NOS3: variants seen among roughly 807,000 people sequenced by gnomAD.
The protein encoded by NOS3 is nitric oxide synthase 3, also known as NOS type III.
Under a neutral mutation model 144.9 loss-of-function variants are expected in NOS3, and 98 were observed. The ratio of observed to expected loss-of-function variants is 0.68; its 90% CI spans 0.57 to 0.80. The LOEUF (loss-of-function observed/expected upper bound fraction) is 0.80, where lower values mean the gene tolerates loss of function less well. NOS3 is among the 30% of genes least tolerant of loss of function. The pLI, the probability that NOS3 is intolerant of heterozygous loss-of-function variation, is 0.00. For missense variants in NOS3, 1,465 were observed against 1,656.4 expected, an observed-to-expected ratio of 0.88 and a Z score of 2.01; for synonymous variants, 714 against 702.4, an observed-to-expected ratio of 1.02 and a Z score of -0.26.
intron 24 of NOS3, 30 bp from the exon 25 acceptor site, chr7:151,013,201 G>A: frequency 3.1e-6 from 5 of 1,599,902 alleles, no homozygotes; most frequent in Non-Finnish European, 4.3e-6. Flanking sequence ...CCCCGGAGAA[G>A]AGCCTTCCCA....
rs1205198892 is a variant in NOS3, at chr7:151,010,661, A to G, written c.2750A>G (p.Gln917Arg). Residue 917 changes from glutamine (Q) to arginine (R), a missense_variant, in exon 22 of 27, where the codon CAG becomes CGG. This residue lies in a region of NOS3 where 745 missense variants were observed against 853.9 expected (regional missense o/e 0.87). Coordinates refer to ENST00000297494, the MANE Select transcript of NOS3 (RefSeq NM_000603.5). The part of the protein sequence containing the change: ...RCPTLLEVLE[Q>R]FPSVALPAPL... The stretch of plus-strand genomic sequence containing the variant: ...CCCACGCTGCTGGAGGTGCTGGAGC[A>G]GTTCCCGTCGGTGGCGCTGCCTGCC... 1 of 1,608,168 alleles carries G rather than the reference A, an allele frequency of 6.2e-7. No homozygotes were observed. Among genetic ancestry groups the G allele is most frequent in the Non-Finnish European group, 8.5e-7 (1 of 1,177,650 alleles).
intron 23 of NOS3, 43 bp downstream of exon 23, chr7:151,011,029 G>A: frequency 6.9e-7 from 1 of 1,441,800 alleles, no homozygotes; most frequent in Non-Finnish European, 9.7e-7. Flanking sequence ...CCCAGGGTCA[G>A]GGTGGCAGCT....
chr7:151,010,959 G>A lies in NOS3; in HGVS notation c.2957G>A (p.Gly986Glu). 1 of 1,613,860 alleles carries A rather than the reference G, an allele frequency of 6.2e-7. No homozygotes were observed. The highest frequency in any genetic ancestry group is 1.3e-5 in the African/African-American group (1 of 75,058). ...ACGTGGCTAAGCCAGCTCAAGCCCG[G>A]AGACCCTGTGCCCTGCTTCATCCGG... ...CSTWLSQLKP[G>E]DPVPCFIRGA... The change falls in exon 23 of 27, where the codon GGA becomes GAA. Residue 986 changes from glycine (G) to glutamate (E), a missense_variant. Coordinates refer to ENST00000297494, the MANE Select transcript of NOS3 (RefSeq NM_000603.5).
chr7:150,998,967 A>G lies in NOS3; in HGVS notation c.838A>G (p.Thr280Ala), dbSNP rs562526133. The change falls in exon 8 of 27, where the codon ACC (threonine) becomes GCC (alanine). Residue 280 changes from threonine to alanine, a missense_variant. This residue lies in a region of NOS3 where 12 missense variants were observed against 30.1 expected (regional missense o/e 0.40). Transcript: ENST00000297494. This position sits in a 1 kb window ranked among gnomAD's most constrained non-coding sequence, Gnocchi z 5.0. Reference sequence around the variant, plus strand: ...ACAGCTCTGCATTCAGCACGGCTGGACCCCAGGAAACGGTCGCTTCGACGT... The same window carrying G: ...ACAGCTCTGCATTCAGCACGGCTGGGCCCCAGGAAACGGTCGCTTCGACGT... ...ITELCIQHGWTPGNGRFDVLP... is the reference protein window; with the variant it reads ...ITELCIQHGWAPGNGRFDVLP... The G allele has an allele frequency of 6.2e-7, 1 of 1,612,344 alleles. No homozygotes were observed. Among genetic ancestry groups the G allele is most frequent in the South Asian group, 1.1e-5 (1 of 91,046 alleles).
chr7:151,013,787 G>A lies in NOS3; in HGVS notation c.3319G>A (p.Glu1107Lys), dbSNP rs1046009973. 6.2e-6 allele frequency: 10 copies of A among 1,611,402 alleles called. No individual in the cohort carries two copies. The highest frequency in any genetic ancestry group is 8.5e-6 in the Non-Finnish European group (10 of 1,179,318). ...AAEVHRVLCLERGHMFVCGDV... is the reference protein window; with the variant it reads ...AAEVHRVLCLKRGHMFVCGDV... ...GGAGGTGCACCGCGTGCTGTGCCTC[G>A]AGCGGGGCCACATGTTTGTCTGCGG... Residue 1107 changes from glutamate (E) to lysine (K), a missense_variant, in exon 26 of 27, where the codon GAG becomes AAG. Glu to Lys is a moderately conservative substitution (Grantham distance 56). This residue lies in a region of NOS3 where 228 missense variants were observed against 227.7 expected (regional missense o/e 1.00). Coordinates refer to ENST00000297494, the MANE Select transcript of NOS3 (RefSeq NM_000603.5).
intron 24 of NOS3, 23 bp from the exon 25 acceptor site, chr7:151,013,208 C>T: frequency 6.2e-7 from 1 of 1,603,046 alleles, no homozygotes; most frequent in South Asian, 1.1e-5. Context: ...GAAGAGCCTT[C>T]CCAAGCGCGG....
rs1795160775 is a variant in NOS3, at chr7:151,003,603, T to G, written c.1752+1299T>G. The G allele has an allele frequency of 4.1e-6, 5 of 1,215,934 alleles. No homozygotes were observed. Among genetic ancestry groups the G allele is most frequent in the Non-Finnish European group, 5.5e-6 (5 of 907,926 alleles). The allele number at this position is 1,215,934 out of a possible 1,614,324, so 75.3% of individuals were successfully genotyped here. On this transcript the variant is annotated intron_variant, in intron 14 of 26. Coordinates refer to ENST00000297494, the MANE Select transcript of NOS3 (RefSeq NM_000603.5). The surrounding 1 kb of genome is among the most constrained non-coding windows in gnomAD (Gnocchi z 4.1). ...ACAGCCTTCACAAGGCATAGCACAT[T>G]TTCACCACCCTGGAAAGTTCCCTCA...
At chr7:151,000,422 A>G (rs1282259991) in intron 9 of NOS3, 76 bp from the exon 10 acceptor site, 1 of 927,308 alleles carries the variant, frequency 1.1e-6, no homozygotes, top group Non-Finnish European at 1.8e-6. Flanking sequence ...CATGTACGGG[A>G]AACAGAGATA....
intron 10 of NOS3, 34 bp downstream of exon 10, chr7:151,000,633 G>A: frequency 6.9e-7 from 1 of 1,449,328 alleles, no homozygotes. Context: ...GAAGGCAAAG[G>A]GTTTGCATAC....
intron 1 of NOS3, among the ~76,000 whole-genome samples, chr7:150,992,461 T>C (rs1260511282): frequency 6.6e-6 from 1 of 152,032 alleles, no homozygotes; most frequent in Non-Finnish European, 1.5e-5. Context: ...CGCCCTTCCA[T>C]CTCCCTCCTC....
Position 151,013,777 on chromosome 7 carries a change from G to T in NOS3, c.3309G>T (p.Val1103=). Residue 1103 remains valine, a synonymous_variant, in exon 26 of 27, where the codon GTG becomes GTT. Coordinates refer to ENST00000297494, the MANE Select transcript of NOS3 (RefSeq NM_000603.5). ...AGCTGGCTGCGGAGGTGCACCGCGT[G>T]CTGTGCCTCGAGCGGGGCCACATGT... ...RTELAAEVHR[V]LCLERGHMFV... 1 of 1,611,632 alleles carries T rather than the reference G, an allele frequency of 6.2e-7. No individual in the cohort carries two copies. Among genetic ancestry groups the T allele is most frequent in the Non-Finnish European group, 8.5e-7 (1 of 1,179,408 alleles).
In NOS3 at chr7:151,007,232, G is replaced by C; in HGVS notation, c.2068G>C (p.Gly690Arg). The C allele has an allele frequency of 6.2e-7, 1 of 1,608,466 alleles. No homozygotes were observed. The highest frequency in any genetic ancestry group is 8.5e-7 in the Non-Finnish European group (1 of 1,179,350). Residue 690 changes from glycine to arginine, a missense_variant, in exon 17 of 27, where the codon GGC (glycine) becomes CGC (arginine). Physicochemically the swap from Gly to Arg is moderately radical, Grantham distance 125. Transcript: ENST00000297494. ...LQLGQGDELC[G>R]QEEAFRGWAQ... ...GCTGGGCCAGGGCGACGAGCTGTGC[G>C]GCCAGGAGGAGGCCTTCCGAGGCTG... is the stretch of plus-strand genomic sequence containing the variant.
Position 150,993,142 on chromosome 7 carries a change from A to G in NOS3, c.-51-611A>G, listed in dbSNP as rs1253582102. Among the ~76,000 whole-genome samples, 1 of 152,148 alleles carries G rather than the reference A, an allele frequency of 6.6e-6. No individual in the cohort carries two copies. Among genetic ancestry groups the G allele is most frequent in the Non-Finnish European group, 1.5e-5 (1 of 68,014 alleles). ...TGAGTCATGGGGGTGTGGGGGTTCC[A>G]GGAAATTGGGGCTGGGAGGGGAAGG... On this transcript the variant is annotated intron_variant, in intron 1 of 26. Transcript: ENST00000297494. The surrounding 1 kb of genome is among the most constrained non-coding windows in gnomAD (Gnocchi z 4.0).
rs145000830 is a variant in NOS3 at position 151,000,599 on chromosome 7, G to C, written c.1233G>C (p.Gln411His). Reference protein sequence around the residue: ...EINVAVLHSYQLAKVTIVDHH... With the variant: ...EINVAVLHSYHLAKVTIVDHH... The stretch of plus-strand genomic sequence containing the variant: ...ACGTGGCCGTGCTGCACAGTTACCA[G>C]GTGCAGAGGCCCAGACTGGCCAGGA... The change falls in exon 10 of 27, where the codon CAG (glutamine) becomes CAC (histidine). Residue 411 changes from glutamine to histidine, a missense_variant and splice_region_variant. Around this residue, in one of 5 missense-constraint regions of NOS3, gnomAD observed 745 missense variants for 853.9 expected, o/e 0.87. Transcript: ENST00000297494. The C allele has an allele frequency of 5.2e-5, 83 of 1,604,258 alleles. No individual in the cohort carries two copies. The highest frequency in any genetic ancestry group is 7.0e-5 in the Non-Finnish European group (82 of 1,171,806).
rs1375427346 is a variant in NOS3 at position 151,002,691 on chromosome 7, C to T, written c.1752+387C>T. 3 of 211,694 alleles carry T rather than the reference C, an allele frequency of 1.4e-5. No individual in the cohort carries two copies. Among genetic ancestry groups the T allele is most frequent in the East Asian group, 1.4e-4 (1 of 7,212 alleles). The allele number at this position is 211,694 out of a possible 1,614,324, so 13.1% of individuals were successfully genotyped here. ...AAAAACAGGGATACGTCACTGAGGG[C>T]GGCTTCTAGGATGCGGGTAATGTTT... On this transcript the variant is annotated intron_variant, in intron 14 of 26. Transcript: ENST00000297494. The surrounding 1 kb of genome is among the most constrained non-coding windows in gnomAD (Gnocchi z 4.1).
At chr7:151,013,672 C>T in intron 25 of NOS3, 52 bp from the exon 26 acceptor site, 1 of 1,426,618 alleles carries the variant, frequency 7.0e-7, no homozygotes, top group South Asian at 1.3e-5. Context: ...CCCCGGGCTG[C>T]GCCCCCGCGC....
intron 17 of NOS3, among the ~76,000 whole-genome samples, chr7:151,008,478 C>T (rs1254231367): frequency 6.6e-6 from 1 of 152,218 alleles, no homozygotes; most frequent in Non-Finnish European, 1.5e-5. Flanking sequence ...GGAGCACTTA[C>T]TATCTGCACG....
Position 151,002,087 on chromosome 7 carries a change from G to C in NOS3, c.1648-113G>C. 1.4e-6 allele frequency: 2 copies of C among 1,446,042 alleles called. No individual in the cohort carries two copies. The highest frequency in any genetic ancestry group is 1.9e-6 in the Non-Finnish European group (2 of 1,048,112). The allele number at this position is 1,446,042 out of a possible 1,614,324, so 89.6% of individuals were successfully genotyped here. Reference sequence around the variant, plus strand: ...ACTCATGAGGAACCCGGAACCACAGGTGTTCAGAGATCAAGTTGGGGCCTG... The same window carrying C: ...ACTCATGAGGAACCCGGAACCACAGCTGTTCAGAGATCAAGTTGGGGCCTG... On this transcript the variant is annotated intron_variant, in intron 13 of 26. Coordinates refer to ENST00000297494, the MANE Select transcript of NOS3 (RefSeq NM_000603.5). This position sits in a 1 kb window ranked among gnomAD's most constrained non-coding sequence, Gnocchi z 4.1.
intron 17 of NOS3, 129 bp from the exon 18 acceptor site, chr7:151,008,801 T>C: frequency 1.8e-6 from 2 of 1,103,178 alleles, no homozygotes; most frequent in Non-Finnish European, 2.5e-6. Context: ...GGTGCTGTCC[T>C]TGGCGCCGGC....
Sources: allele counts gnomAD v4.1 joint callset (sites outside exome capture counted in the v4.1 genomes callset), GRCh38; gene constraint gnomAD v4.1.1; regional missense constraint gnomAD v4.1.1; non-coding constraint Gnocchi (gnomAD v3.1); transcripts MANE v1.5; gene names NCBI Gene and HGNC (gene_info 2026-07-23, HGNC 2026-07-21).